Variants in NRXN1 observed in about 807,000 individuals in gnomAD.
The protein encoded by NRXN1 is neurexin 1, also known as neurexin-1.
NRXN1 carries 39 observed loss-of-function variants against 150.9 expected under a neutral mutation model. The observed-to-expected ratio is 0.26, with a 90% CI of 0.20 to 0.34. The LOEUF (loss-of-function observed/expected upper bound fraction) is 0.34, where lower values mean the gene tolerates loss of function less well. NRXN1 is among the 10% of genes least tolerant of loss of function. The pLI is 1.00. For missense variants in NRXN1, 1,815 were observed against 1,949.9 expected, an observed-to-expected ratio of 0.93 and a Z score of 1.30; for synonymous variants, 924 against 757.0, an observed-to-expected ratio of 1.22 and a Z score of -3.62.
intron 17 of NRXN1, among the ~76,000 whole-genome samples, chr2:50,316,943 A>C (rs928597271): frequency 3.9e-5 from 6 of 151,962 alleles, no homozygotes; most frequent in African/African-American, 1.4e-4. Context: ...TCAATTATCA[A>C]TTTTCCTCAA....
At chr2:50,251,604 C>T (rs952251381) in intron 17 of NRXN1, among the ~76,000 whole-genome samples, 1 of 152,126 alleles carries the variant, frequency 6.6e-6, no homozygotes, top group Non-Finnish European at 1.5e-5. Flanking sequence ...GAGGAATTGG[C>T]ACACTGTCTT....
chr2:50,658,451 G>C (rs1412020868), intron 5 of NRXN1, among the ~76,000 whole-genome samples: 1 of 47,102 alleles, frequency 2.1e-5, no homozygotes, highest in African/African-American at 1.1e-4. Context: ...TGAGGCAGGG[G>C]AGCAATTACA....
rs528707291 is a variant in NRXN1, at chr2:50,566,556, T to C, written c.1321-13531A>G. On this transcript the variant is annotated intron_variant, in intron 8 of 22. Coordinates refer to ENST00000401669, the MANE Select transcript of NRXN1 (RefSeq NM_001330078.2). Reference sequence around the variant, plus strand: ...AGGCGTGAGCCACCGTGCCCAGCCATCATGTTAATATGAATCATTACAGCA... The same window carrying C: ...AGGCGTGAGCCACCGTGCCCAGCCACCATGTTAATATGAATCATTACAGCA... Among the ~76,000 whole-genome samples the C allele has an allele frequency of 2.6e-5, 4 of 151,938 alleles. No individual in the cohort carries two copies. The East Asian group carries it at 5.8e-4, about 22-fold the overall frequency.
intron 18 of NRXN1, among the ~76,000 whole-genome samples, chr2:50,184,774 T>C (rs765032246): frequency 2.7e-4 from 41 of 151,998 alleles, no homozygotes; most frequent in Non-Finnish European, 5.6e-4. Context: ...TACTTGATAA[T>C]TGTAGAAATA....
chr2:50,255,063 C>T (rs999274979), intron 17 of NRXN1, among the ~76,000 whole-genome samples: 3 of 152,058 alleles, frequency 2.0e-5, no homozygotes, highest in African/African-American at 7.2e-5. Context: ...CCACCTTGGC[C>T]TACGAAAGTG....
chr2:50,181,110 G>A (rs920859966), intron 18 of NRXN1, among the ~76,000 whole-genome samples: 3 of 151,852 alleles, frequency 2.0e-5, no homozygotes, highest in Non-Finnish European at 4.4e-5. Flanking sequence ...TCACAATAAC[G>A]TATTAGAGCT....
intron 17 of NRXN1, among the ~76,000 whole-genome samples, chr2:50,462,372 G>C (rs1349143765): frequency 6.6e-6 from 1 of 151,706 alleles, no homozygotes; most frequent in Non-Finnish European, 1.5e-5. Flanking sequence ...AATTAGGAGA[G>C]ACTGATGACA....
chr2:50,625,840 G>A (rs184685930), intron 5 of NRXN1, among the ~76,000 whole-genome samples: 12 of 152,136 alleles, frequency 7.9e-5, no homozygotes, highest in East Asian at 1.9e-4. Context: ...AAGTTGATAC[G>A]CTGGTGATAA....
At chr2:50,962,382 T>A (rs558735625) in intron 2 of NRXN1, among the ~76,000 whole-genome samples, 14 of 151,844 alleles carry the variant, frequency 9.2e-5, no homozygotes, top group African/African-American at 3.1e-4. Flanking sequence ...TCTATGAGAA[T>A]GCTTTAAAAC....
At chr2:50,987,537 T>C (rs1020936234) in intron 2 of NRXN1, among the ~76,000 whole-genome samples, 1 of 151,952 alleles carries the variant, frequency 6.6e-6, no homozygotes, top group African/African-American at 2.4e-5. Flanking sequence ...ATTACATCTG[T>C]GTGTGTCTAA....
At chr2:50,777,623 A>G (rs2105491131) in intron 5 of NRXN1, among the ~76,000 whole-genome samples, 1 of 152,284 alleles carries the variant, frequency 6.6e-6, no homozygotes, top group East Asian at 1.9e-4. Context: ...ATTAAGTAAT[A>G]CCAGGAGAGT....
At chr2:50,652,827 T>A (rs1184255325) in intron 5 of NRXN1, among the ~76,000 whole-genome samples, 2 of 152,062 alleles carry the variant, frequency 1.3e-5, no homozygotes, top group Non-Finnish European at 2.9e-5. Context: ...GTTCCATTTA[T>A]CCATATATTT....
At chr2:50,320,441 A>G (rs868117617) in intron 17 of NRXN1, among the ~76,000 whole-genome samples, 1 of 151,172 alleles carries the variant, frequency 6.6e-6, no homozygotes. Context: ...AAGAGAATGT[A>G]TACATTTAAA....
chr2:50,451,386 T>C (rs2086950444), intron 17 of NRXN1, among the ~76,000 whole-genome samples: 1 of 152,212 alleles, frequency 6.6e-6, no homozygotes, highest in South Asian at 2.1e-4. Context: ...ACCATCATTT[T>C]TAAAGTCTGC....
intron 18 of NRXN1, among the ~76,000 whole-genome samples, chr2:50,097,096 C>T (rs759825193): frequency 6.6e-6 from 1 of 152,148 alleles, no homozygotes; most frequent in African/African-American, 2.4e-5. Flanking sequence ...ACTGTTTCCC[C>T]TCACCCCATT....
chr2:50,510,749 C>T lies in NRXN1; in HGVS notation c.2375-4132G>A, dbSNP rs1320046107. Among the ~76,000 whole-genome samples the T allele has an allele frequency of 2.0e-5, 3 of 152,112 alleles. No individual in the cohort carries two copies. The East Asian group carries it at 5.8e-4, about 29-fold the overall frequency. Reference sequence around the variant, plus strand: ...AAGGCAGTAAGAAGTAGAGAGAAGACTGAGATTTTGAAATTTTCTATTTTC... The same window carrying T: ...AAGGCAGTAAGAAGTAGAGAGAAGATTGAGATTTTGAAATTTTCTATTTTC... On this transcript the variant is annotated intron_variant, in intron 12 of 22. Coordinates refer to ENST00000401669, the MANE Select transcript of NRXN1 (RefSeq NM_001330078.2).
At chr2:50,076,858 A>G (rs1261208173) in intron 19 of NRXN1, among the ~76,000 whole-genome samples, 1 of 152,222 alleles carries the variant, frequency 6.6e-6, no homozygotes, top group Non-Finnish European at 1.5e-5. Context: ...TCTGAATAGA[A>G]GAAGTAATAA....
chr2:50,761,596 C>G (rs1305415647), intron 5 of NRXN1, among the ~76,000 whole-genome samples: 2 of 151,852 alleles, frequency 1.3e-5, no homozygotes, highest in Non-Finnish European at 1.5e-5. Context: ...TGAAAACAGA[C>G]TAATCAATTT....
intron 18 of NRXN1, among the ~76,000 whole-genome samples, chr2:50,132,948 C>CA (rs938389122): frequency 2.0e-5 from 3 of 150,150 alleles, no homozygotes; most frequent in Non-Finnish European, 3.0e-5. Context: ...CTTTTATACC[C>CA]AAAAAAACAC....
Sources: allele counts gnomAD v4.1 joint callset (sites outside exome capture counted in the v4.1 genomes callset), GRCh38; gene constraint gnomAD v4.1.1; transcripts MANE v1.5; gene names NCBI Gene and HGNC (gene_info 2026-07-23, HGNC 2026-07-21).